The following CRYZL1 variants were observed in gnomAD, a reference collection of about 807,000 sequenced individuals.
The protein encoded by CRYZL1 is crystallin zeta like 1.
Under a neutral mutation model 50.6 loss-of-function variants are expected in CRYZL1, and 34 were observed. The ratio of observed to expected loss-of-function variants is 0.67; its 90% CI spans 0.51 to 0.89. The LOEUF (loss-of-function observed/expected upper bound fraction) is 0.89. Among genes scored for constraint, CRYZL1 ranks in the 40% least tolerant of loss-of-function variants. The pLI is 0.00. For missense variants in CRYZL1, 354 were observed against 402.3 expected (o/e 0.88, Z 1.03); for synonymous variants, 125 against 134.3 (o/e 0.93, Z 0.48).
At chr21:33,595,375 T>G in intron 11 of CRYZL1, 2 of 1,311,674 alleles carry the variant, frequency 1.5e-6, no homozygotes, top group Non-Finnish European at 1.0e-6. Context: ...TGATGTGTGC[T>G]TTCCTTAATG....
chr21:33,599,163 G>A lies in CRYZL1; in HGVS notation c.663C>T (p.Val221=), dbSNP rs138988095. The change falls in exon 9 of 13, where the codon GTC becomes GTT. Residue 221 remains valine (V), a synonymous_variant. Coordinates refer to ENST00000381554, the MANE Select transcript of CRYZL1 (RefSeq NM_145858.3). ...EETGGLGVDI[V]LDAGVRLYSK... is the part of the protein sequence containing the mutation. ...TAAGGTACCTACCTCCAGCATCTAG[G>A]ACAATATCTACTCCCAGGCCACCTG... The A allele has an allele frequency of 3.0e-5, 48 of 1,613,836 alleles. No homozygotes were observed. The African/African-American group carries it at 5.7e-4, about 19-fold the overall frequency.
chr21:33,597,060 G>C (rs2086701890), intron 10 of CRYZL1, among the ~76,000 whole-genome samples: 1 of 151,572 alleles, frequency 6.6e-6, no homozygotes, highest in African/African-American at 2.4e-5. Flanking sequence ...TGTAGAGATG[G>C]GGTTTCACCA....
rs532864050 is a variant in CRYZL1 at position 33,595,716 on chromosome 21, C to T, written c.904+15G>A. On this transcript the variant is annotated intron_variant, in intron 11 of 12. Coordinates refer to ENST00000381554, the MANE Select transcript of CRYZL1 (RefSeq NM_145858.3). ...AGTTCAAGCCAGAAACTCAATCAGT[C>T]GATAAAAAGGATATAAAGATATTTT... is the stretch of plus-strand genomic sequence containing the variant. The T allele has an allele frequency of 2.9e-5, 47 of 1,611,594 alleles. No homozygotes were observed. Among genetic ancestry groups the T allele is most frequent in the South Asian group, 1.9e-4 (17 of 90,984 alleles).
At chr21:33,612,375 C>G (rs1265332426) in intron 6 of CRYZL1, among the ~76,000 whole-genome samples, 4 of 151,786 alleles carry the variant, frequency 2.6e-5, no homozygotes, top group Admixed American at 2.0e-4. Flanking sequence ...TAACCTCCAC[C>G]TCCCGGGTTC....
rs995872452 is a variant in CRYZL1, at chr21:33,595,107, C to T, written c.904+624G>A. 11 of 969,620 alleles carry T rather than the reference C, an allele frequency of 1.1e-5. No homozygotes were observed. In the East Asian group the frequency reaches 7.9e-4, roughly 69 times the overall value. 60.1% of individuals were successfully genotyped at this position (969,620 alleles called of 1,614,324 possible). A position where few individuals can be genotyped will look rare whatever the true frequency, so the allele number is the denominator to read the frequency against. On this transcript the variant is annotated intron_variant, in intron 11 of 12. Coordinates refer to ENST00000381554, the MANE Select transcript of CRYZL1 (RefSeq NM_145858.3). ...GTTGACCCTACTCTAAAGAGGTTTG[C>T]ACCTTTCTTTTTGAAATTGTTTGTA...
chr21:33,633,680 T>C (rs886507042), intron 1 of CRYZL1: 5 of 152,298 alleles, frequency 3.3e-5, no homozygotes, highest in African/African-American at 4.8e-5. Context: ...CCCGAAATGC[T>C]GGGATTACAG....
intron 10 of CRYZL1, 40 bp from the exon 11 acceptor site, chr21:33,595,876 G>T: frequency 7.4e-7 from 1 of 1,347,408 alleles, no homozygotes; most frequent in Non-Finnish European, 1.1e-6. Flanking sequence ...ATTATTGTGA[G>T]TTTAACAGCA....
intron 11 of CRYZL1, among the ~76,000 whole-genome samples, chr21:33,592,441 A>C (rs910792623): frequency 2.0e-5 from 3 of 152,058 alleles, no homozygotes; most frequent in South Asian, 2.1e-4. Context: ...CCAGCCTCCA[A>C]ATATTTTTGA....
intron 1 of CRYZL1, among the ~76,000 whole-genome samples, chr21:33,638,872 C>T (rs1470787411): frequency 6.6e-6 from 1 of 152,202 alleles, no homozygotes; most frequent in Non-Finnish European, 1.5e-5. Flanking sequence ...GTACATATTA[C>T]ACAGGCTTCA....
intron 12 of CRYZL1, among the ~76,000 whole-genome samples, chr21:33,590,789 A>G (rs1464650670): frequency 6.6e-6 from 1 of 152,136 alleles, no homozygotes; most frequent in Non-Finnish European, 1.5e-5. Flanking sequence ...CCTTCAAGCT[A>G]TTGGTTACTT....
At chr21:33,641,203 T>C (rs1444439077) in intron 1 of CRYZL1, 4 of 1,550,550 alleles carry the variant, frequency 2.6e-6, no homozygotes, top group Non-Finnish European at 3.5e-6. Flanking sequence ...GATTCCGCCG[T>C]TTAGCATAAT....
At chr21:33,604,842 G>A (rs932634955) in intron 6 of CRYZL1, among the ~76,000 whole-genome samples, 1 of 152,124 alleles carries the variant, frequency 6.6e-6, no homozygotes, top group East Asian at 1.9e-4. Flanking sequence ...CCGTGCATGG[G>A]TTTTCCTAGG....
intron 10 of CRYZL1, chr21:33,596,139 T>C (rs754557369): frequency 1.7e-4 from 93 of 562,852 alleles, no homozygotes; most frequent in Non-Finnish European, 2.4e-4. Flanking sequence ...TCAGTGAAGA[T>C]TGGTAGGTGA....
chr21:33,603,330 T>C (rs569636416), intron 7 of CRYZL1, 74 bp downstream of exon 7: 2 of 1,543,228 alleles, frequency 1.3e-6, no homozygotes, highest in Non-Finnish European at 1.8e-6. Flanking sequence ...TATTAGCAAA[T>C]GGATGGCTCA....
rs182870880 is a variant in CRYZL1 at position 33,592,329 on chromosome 21, G to A, written c.905-1122C>T. Among the ~76,000 whole-genome samples, 5 of 151,768 alleles carry A rather than the reference G, an allele frequency of 3.3e-5. No individual in the cohort carries two copies. In the East Asian group the frequency reaches 9.7e-4, roughly 30 times the overall value. ...TTATTTTTATTTTTGTATAGACAGGGTCTCCCTATGTTGCCCGGGCTGGTC... is the reference window on the plus strand; with the variant it reads ...TTATTTTTATTTTTGTATAGACAGGATCTCCCTATGTTGCCCGGGCTGGTC... On this transcript the variant is annotated intron_variant, in intron 11 of 12. Transcript: ENST00000381554.
chr21:33,597,370 A>G lies in CRYZL1; in HGVS notation c.708T>C (p.Ala236=). The change falls in exon 10 of 13, where the codon GCT becomes GCC. Residue 236 remains alanine, a synonymous_variant. Coordinates refer to ENST00000381554, the MANE Select transcript of CRYZL1 (RefSeq NM_145858.3). ...VRLYSKDDEP[A]VKLQLLPHKH... ...TATGTGGTAGTAGTTGTAGTTTTACAGCTGGTTCATCATCTTTACTATATA... is the reference window on the plus strand; with the variant it reads ...TATGTGGTAGTAGTTGTAGTTTTACGGCTGGTTCATCATCTTTACTATATA... 6.2e-7 allele frequency: 1 copy of G among 1,601,378 alleles called. No homozygotes were observed. The highest frequency in any genetic ancestry group is 8.6e-7 in the Non-Finnish European group (1 of 1,168,312).
chr21:33,614,002 C>T (rs2145938093), intron 5 of CRYZL1, among the ~76,000 whole-genome samples: 1 of 151,982 alleles, frequency 6.6e-6, no homozygotes, highest in South Asian at 2.1e-4. Flanking sequence ...GAAACCCTGT[C>T]TCTACTAAAA....
chr21:33,592,774 G>C (rs1213108487), intron 11 of CRYZL1, among the ~76,000 whole-genome samples: 2 of 152,102 alleles, frequency 1.3e-5, no homozygotes, highest in African/African-American at 4.8e-5. Flanking sequence ...AATTAGGGCT[G>C]GGTGCGGTGG....
rs1206116883 is a variant in CRYZL1, at chr21:33,589,709, TAAA to T, written c.*110_*112del. 1.4e-6 allele frequency: 1 copy of T among 706,820 alleles called. No individual in the cohort carries two copies. The highest frequency in any genetic ancestry group is 1.7e-5 in the South Asian group (1 of 57,398). 43.8% of individuals were successfully genotyped at this position (706,820 alleles called of 1,614,324 possible). ...TCTTGTCTTAGCAGAGAAACGTGCT[TAAA>T]AATGCAACTTGTTTTATCTTCCTTG... On this transcript the variant is annotated 3_prime_UTR_variant, in exon 13 of 13. Coordinates refer to ENST00000381554, the MANE Select transcript of CRYZL1 (RefSeq NM_145858.3).
Sources: gnomAD v4.1 joint callset for allele counts (sites outside exome capture counted in the v4.1 genomes callset) on GRCh38, gnomAD v4.1.1 for gene constraint, MANE v1.5 for transcripts, NCBI Gene and HGNC (gene_info 2026-07-23, HGNC 2026-07-21) for gene names.